Variants in DDR2 observed in about 807,000 individuals in gnomAD.
The protein encoded by DDR2 is discoidin domain-containing receptor 2.
In DDR2, 27 loss-of-function variants were observed where a neutral mutation model predicts 94.9. The observed-to-expected ratio is 0.28, with a 90% confidence interval of 0.21 to 0.39. DDR2 has a LOEUF of 0.39. Among genes scored for constraint, DDR2 ranks in the 10% least tolerant of loss-of-function variants. The pLI is 1.00. For synonymous variants in DDR2, 382 were observed against 377.2 expected (o/e 1.01, Z -0.15); for missense variants, 783 against 1,076.0 (o/e 0.73, Z 3.81).
chr1:162,663,612 T>G (rs986138786), intron 2 of DDR2, among the ~76,000 whole-genome samples: 1 of 152,048 alleles, frequency 6.6e-6, no homozygotes, highest in Non-Finnish European at 1.5e-5. Context: ...GAGAGTCTTG[T>G]TAGGAGGGCC....
chr1:162,725,897 T>C (rs1480031926), intron 3 of DDR2, among the ~76,000 whole-genome samples: 1 of 152,246 alleles, frequency 6.6e-6, no homozygotes, highest in Admixed American at 6.5e-5. Flanking sequence ...TAGAAAAGAC[T>C]AAGAATGGTG....
chr1:162,675,483 T>C (rs1659083943), intron 2 of DDR2, among the ~76,000 whole-genome samples: 1 of 152,192 alleles, frequency 6.6e-6, no homozygotes, highest in African/African-American at 2.4e-5. Context: ...CAAGGGCCTG[T>C]AGCCTGGAGG....
intron 2 of DDR2, among the ~76,000 whole-genome samples, chr1:162,665,918 A>C (rs1658528118): frequency 6.6e-6 from 1 of 152,144 alleles, no homozygotes; most frequent in Admixed American, 6.5e-5. Context: ...AACCAGTATA[A>C]ATTGGTTTAA....
At chr1:162,671,555 A>T (rs1658839061) in intron 2 of DDR2, among the ~76,000 whole-genome samples, 1 of 152,086 alleles carries the variant, frequency 6.6e-6, no homozygotes, top group African/African-American at 2.4e-5. Context: ...CTTTGGAGTC[A>T]TGTCCTTTCT....
intron 9 of DDR2, 29 bp downstream of exon 9, chr1:162,761,483 T>C (rs1187186965): frequency 6.2e-7 from 1 of 1,614,072 alleles, no homozygotes; most frequent in Admixed American, 1.7e-5. Context: ...CTTTGGGAAG[T>C]GGGAGCAAGG....
intron 3 of DDR2, among the ~76,000 whole-genome samples, chr1:162,730,312 G>C (rs1194600822): frequency 6.6e-6 from 1 of 152,060 alleles, no homozygotes; most frequent in East Asian, 1.9e-4. Flanking sequence ...GAGCAGCCCG[G>C]GACTGCAGGG....
chr1:162,659,099 G>A (rs928374670), intron 2 of DDR2, among the ~76,000 whole-genome samples: 1 of 152,212 alleles, frequency 6.6e-6, no homozygotes, highest in Non-Finnish European at 1.5e-5. Flanking sequence ...CACCTGTGAT[G>A]TGTAAGGGAC....
At chr1:162,684,529 T>C (rs1182846024) in intron 2 of DDR2, among the ~76,000 whole-genome samples, 1 of 152,184 alleles carries the variant, frequency 6.6e-6, no homozygotes, top group East Asian at 1.9e-4. Context: ...GGACTCATTC[T>C]TGCAGAACTG....
intron 3 of DDR2, among the ~76,000 whole-genome samples, chr1:162,720,328 G>T (rs73024579): frequency 6.6e-6 from 1 of 151,910 alleles, no homozygotes; most frequent in Non-Finnish European, 1.5e-5. Flanking sequence ...TCACCACCCC[G>T]CAAAGGTAGC....
At chr1:162,651,618 C>G (rs1444656818) in intron 1 of DDR2, among the ~76,000 whole-genome samples, 1 of 152,136 alleles carries the variant, frequency 6.6e-6, no homozygotes, top group Non-Finnish European at 1.5e-5. Flanking sequence ...TTTCCTTCAT[C>G]TTTCTATCAA....
At chr1:162,771,843 T>C (rs1468866766) in intron 12 of DDR2, among the ~76,000 whole-genome samples, 181 bp from the exon 13 acceptor site, 1 of 152,246 alleles carries the variant, frequency 6.6e-6, no homozygotes, top group Non-Finnish European at 1.5e-5. Flanking sequence ...AATGATGTTC[T>C]ACATTCTGTA....
At chr1:162,701,014 T>C (rs1198059139) in intron 2 of DDR2, among the ~76,000 whole-genome samples, 2 of 151,902 alleles carry the variant, frequency 1.3e-5, no homozygotes, top group African/African-American at 2.4e-5. Context: ...TTCAATGGCA[T>C]TCAAAACCCT....
intron 2 of DDR2, among the ~76,000 whole-genome samples, chr1:162,656,115 C>T (rs1487055555): frequency 2.6e-5 from 4 of 152,116 alleles, no homozygotes; most frequent in Admixed American, 6.5e-5. Flanking sequence ...GGCTAAAATC[C>T]CACTGAGGAT....
intron 2 of DDR2, among the ~76,000 whole-genome samples, chr1:162,660,938 A>G (rs1415489680): frequency 2.6e-5 from 4 of 152,260 alleles, no homozygotes; most frequent in African/African-American, 9.6e-5. Context: ...CTGGGACTTT[A>G]TAGAAAACAG....
At chr1:162,631,182 T>TTG (rs58010976), upstream of DDR2, among the ~76,000 whole-genome samples, 3,311 of 140,198 alleles carry the variant, frequency 0.024, 107 homozygotes, top group African/African-American at 0.074. Flanking sequence ...GCCACCCTCA[T>TTG]TGTGTGTGTG....
At chr1:162,715,894 T>C (rs190319500) in intron 2 of DDR2, among the ~76,000 whole-genome samples, 17 of 152,300 alleles carry the variant, frequency 1.1e-4, no homozygotes, top group Non-Finnish European at 2.4e-4. Context: ...AAAATAATTA[T>C]TGCTTTTGGA....
intron 4 of DDR2, 103 bp downstream of exon 4, chr1:162,753,300 GGAACTGTTGA>G (rs1402669007): frequency 1.9e-6 from 2 of 1,044,744 alleles, no homozygotes; most frequent in African/African-American, 3.2e-5. Flanking sequence ...GTTATTGGCA[GGAACTGTTGA>G]GAAATGAAGG....
chr1:162,776,078 C>A, intron 15 of DDR2, 58 bp from the exon 16 acceptor site: 1 of 1,467,862 alleles, frequency 6.8e-7, no homozygotes, highest in African/African-American at 1.4e-5. Flanking sequence ...AGAATGTGTA[C>A]CTTTCACATC....
chr1:162,646,202 A>T (rs1034090751), intron 1 of DDR2, among the ~76,000 whole-genome samples: 7 of 152,246 alleles, frequency 4.6e-5, no homozygotes, highest in African/African-American at 1.7e-4. Flanking sequence ...ATGTTAAATT[A>T]TAATCGAAGA....
Sources: gnomAD v4.1 joint callset for allele counts (sites outside exome capture counted in the v4.1 genomes callset) on GRCh38, gnomAD v4.1.1 for gene constraint, MANE v1.5 for transcripts, NCBI Gene and HGNC (gene_info 2026-07-23, HGNC 2026-07-21) for gene names.